The following STIM1 variants were observed in gnomAD, a reference collection of about 807,000 sequenced individuals.
STIM1 encodes the protein stromal interaction molecule 1.
Under a neutral mutation model 74.7 loss-of-function variants are expected in STIM1, and 25 were observed. The observed-to-expected ratio is 0.33, with a 90% CI of 0.24 to 0.47. The LOEUF (loss-of-function observed/expected upper bound fraction) is 0.47, where lower values mean the gene tolerates loss of function less well. STIM1 is among the 20% of genes least tolerant of loss of function. The pLI is 1.00. For missense variants in STIM1, 728 were observed against 920.8 expected (o/e 0.79, Z 2.71); for synonymous variants, 328 against 348.8 (o/e 0.94, Z 0.66).
At chr11:4,068,864 C>A (rs1312360694) in intron 5 of STIM1, among the ~76,000 whole-genome samples, 1 of 152,214 alleles carries the variant, frequency 6.6e-6, no homozygotes, top group Non-Finnish European at 1.5e-5. Context: ...GGTGTCTTGA[C>A]CTTCCCTTAA....
At chr11:4,068,943 T>C (rs562065436) in intron 5 of STIM1, among the ~76,000 whole-genome samples, 1 of 152,364 alleles carries the variant, frequency 6.6e-6, no homozygotes, top group South Asian at 2.1e-4. Context: ...CCAAGGATCA[T>C]GCCAGTCCTA....
intron 2 of STIM1, among the ~76,000 whole-genome samples, chr11:4,003,987 G>A (rs1015009885): frequency 2.0e-4 from 30 of 152,096 alleles, no homozygotes; most frequent in Non-Finnish European, 4.3e-4. Flanking sequence ...ACTCCCATTT[G>A]CAATAGCTTC....
intron 5 of STIM1, among the ~76,000 whole-genome samples, chr11:4,061,263 C>G (rs554986447): frequency 5.9e-5 from 9 of 152,092 alleles, no homozygotes; most frequent in Admixed American, 1.3e-4. Flanking sequence ...ATATCAGAAC[C>G]AACAAGAGGG....
At chr11:3,924,456 C>CTTGGGAG (rs2092763057) in intron 1 of STIM1, among the ~76,000 whole-genome samples, 1 of 152,042 alleles carries the variant, frequency 6.6e-6, no homozygotes, top group Non-Finnish European at 1.5e-5. Flanking sequence ...CCTTGGTCTC[C>CTTGGGAG]CAAAGTGCTG....
chr11:4,070,917 A>AG (rs34124220), intron 6 of STIM1, among the ~76,000 whole-genome samples: 142,038 of 152,240 alleles, frequency 0.93, 66,283 homozygotes, highest in African/African-American at 0.96. Flanking sequence ...ACTGGTCCTG[A>AG]GAAAAAAAAC....
intron 1 of STIM1, among the ~76,000 whole-genome samples, chr11:3,905,430 G>A (rs890521867): frequency 4.6e-5 from 7 of 151,822 alleles, no homozygotes; most frequent in Non-Finnish European, 7.4e-5. Flanking sequence ...ATAGGTTGTG[G>A]GGAGAAGAGA....
At chr11:3,987,969 C>T (rs1159028953) in intron 2 of STIM1, among the ~76,000 whole-genome samples, 1 of 152,098 alleles carries the variant, frequency 6.6e-6, no homozygotes. Context: ...TATTCTTTGT[C>T]CCTAAGCCTC....
At chr11:4,017,089 A>T (rs570578361) in intron 2 of STIM1, among the ~76,000 whole-genome samples, 1 of 151,880 alleles carries the variant, frequency 6.6e-6, no homozygotes, top group Non-Finnish European at 1.5e-5. Context: ...CCACTGTCCA[A>T]CCAGTCCCAA....
At chr11:4,003,896 G>T (rs1433723855) in intron 2 of STIM1, among the ~76,000 whole-genome samples, 2 of 151,948 alleles carry the variant, frequency 1.3e-5, no homozygotes, top group Non-Finnish European at 2.9e-5. Context: ...AAAGTCTCAG[G>T]ATAAAAAAAA....
At chr11:4,079,297 C>T (rs538760771) in intron 7 of STIM1, among the ~76,000 whole-genome samples, 85 of 139,426 alleles carry the variant, frequency 6.1e-4, no homozygotes, top group African/African-American at 2.1e-3. Context: ...CGGCTGGGCA[C>T]GGTGGCTCAT....
intron 6 of STIM1, among the ~76,000 whole-genome samples, chr11:4,070,406 T>C (rs1434046179): frequency 1.3e-5 from 2 of 152,188 alleles, no homozygotes; most frequent in Non-Finnish European, 2.9e-5. Context: ...GGGAGAAACT[T>C]GTTTCTATCT....
chr11:4,009,287 T>G (rs1590644229), intron 2 of STIM1, among the ~76,000 whole-genome samples: 1 of 127,758 alleles, frequency 7.8e-6, no homozygotes, highest in African/African-American at 3.0e-5. Flanking sequence ...AGGGAAAGAG[T>G]GTCTCAAAAA....
At chr11:3,862,000 T>C (rs944519629) in intron 1 of STIM1, among the ~76,000 whole-genome samples, 1 of 152,122 alleles carries the variant, frequency 6.6e-6, no homozygotes, top group Non-Finnish European at 1.5e-5. Context: ...TGGAAAATGA[T>C]TCTTTGGGAA....
intron 5 of STIM1, among the ~76,000 whole-genome samples, chr11:4,067,627 C>T (rs1274069226): frequency 6.6e-6 from 1 of 152,212 alleles, no homozygotes; most frequent in Non-Finnish European, 1.5e-5. Flanking sequence ...AAACCCAGCT[C>T]TAGCAAGTTA....
intron 1 of STIM1, among the ~76,000 whole-genome samples, chr11:3,890,278 A>C (rs2091855678): frequency 6.6e-6 from 1 of 152,304 alleles, no homozygotes; most frequent in Non-Finnish European, 1.5e-5. Flanking sequence ...CTGGAGGTTC[A>C]TCTAGTTTTT....
chr11:3,879,411 G>A (rs1249311282), intron 1 of STIM1, among the ~76,000 whole-genome samples: 2 of 152,068 alleles, frequency 1.3e-5, no homozygotes, highest in African/African-American at 4.8e-5. Context: ...CATATAATTT[G>A]TCACCTAATT....
At chr11:3,882,004 G>A (rs1471896761) in intron 1 of STIM1, among the ~76,000 whole-genome samples, 4 of 149,702 alleles carry the variant, frequency 2.7e-5, no homozygotes, top group Non-Finnish European at 4.4e-5. Context: ...ATCATATGAT[G>A]TATTGTGTCT....
chr11:3,960,387 A>G (rs954457102), intron 1 of STIM1, among the ~76,000 whole-genome samples: 9 of 152,320 alleles, frequency 5.9e-5, no homozygotes, highest in African/African-American at 2.2e-4. Flanking sequence ...CTGGATTAAA[A>G]GCTTTTCTGA....
intron 2 of STIM1, among the ~76,000 whole-genome samples, chr11:4,001,605 A>G (rs901701610): frequency 6.6e-6 from 1 of 152,244 alleles, no homozygotes; most frequent in African/African-American, 2.4e-5. Flanking sequence ...ATGGAAAGGC[A>G]CAACCGGTAC....
Sources: allele counts gnomAD v4.1 joint callset (sites outside exome capture counted in the v4.1 genomes callset), GRCh38; gene constraint gnomAD v4.1.1; transcripts MANE v1.5; gene names NCBI Gene and HGNC (gene_info 2026-07-23, HGNC 2026-07-21).